Variants in WDR59 observed in about 807,000 individuals in gnomAD.
The protein encoded by WDR59 is WD repeat domain 59.
WDR59 carries 100 observed loss-of-function variants against 131.2 expected under a neutral mutation model. The observed-to-expected ratio is 0.76, with a 90% CI of 0.65 to 0.90. WDR59 has a LOEUF of 0.90. Ranked by LOEUF, WDR59 falls within the 40% of genes least tolerant of loss-of-function variation. The pLI, the probability that WDR59 is intolerant of heterozygous loss-of-function variation, is 0.00. For synonymous variants in WDR59, 601 were observed against 466.2 expected, an observed-to-expected ratio of 1.29 and a Z score of -3.72; for missense variants, 1,203 against 1,262.2, an observed-to-expected ratio of 0.95 and a Z score of 0.71.
At chr16:74,945,490 A>G (rs1012045186) in intron 6 of WDR59, among the ~76,000 whole-genome samples, 3 of 152,182 alleles carry the variant, frequency 2.0e-5, no homozygotes, top group Admixed American at 6.5e-5. Flanking sequence ...AATAAAAAAA[A>G]AAAAGAAACC....
intron 13 of WDR59, among the ~76,000 whole-genome samples, chr16:74,913,073 G>C (rs1454146451): frequency 6.6e-4 from 2 of 3,044 alleles, no homozygotes; most frequent in Non-Finnish European, 7.2e-3. Flanking sequence ...TAGATTTTGG[G>C]GGGGGGGGGG....
At chr16:74,879,646 G>C (rs8062012) in intron 25 of WDR59, among the ~76,000 whole-genome samples, 23,048 of 151,842 alleles carry the variant, frequency 0.15, 1,880 homozygotes, top group Middle Eastern at 0.21. Flanking sequence ...AGTTTAACAC[G>C]TTATATACAT....
At chr16:74,980,356 CT>C (rs35672894) in intron 1 of WDR59, among the ~76,000 whole-genome samples, 3,020 of 132,466 alleles carry the variant, frequency 0.023, 64 homozygotes, top group Admixed American at 0.083. Flanking sequence ...AAATCTAAGT[CT>C]TTTTTTTTTT....
At chr16:74,980,833 T>A (rs2145260200) in intron 1 of WDR59, among the ~76,000 whole-genome samples, 1 of 150,100 alleles carries the variant, frequency 6.7e-6, no homozygotes, top group East Asian at 2.0e-4. Flanking sequence ...TAGCCCGGTG[T>A]GGTGGGGCAC....
intron 10 of WDR59, among the ~76,000 whole-genome samples, chr16:74,921,240 C>G (rs1036989771): frequency 9.9e-5 from 15 of 151,874 alleles, no homozygotes; most frequent in Admixed American, 4.6e-4. Context: ...GATCCTCTCC[C>G]CCTCCCACCC....
At chr16:74,903,318 A>C (rs1392944722) in intron 18 of WDR59, among the ~76,000 whole-genome samples, 3 of 152,228 alleles carry the variant, frequency 2.0e-5, no homozygotes, top group African/African-American at 7.2e-5. Context: ...CAACACAGAA[A>C]GCTTTCTCTG....
At chr16:74,918,068 A>C in intron 10 of WDR59, 60 bp from the exon 11 acceptor site, 4 of 1,535,920 alleles carry the variant, frequency 2.6e-6, no homozygotes, top group Non-Finnish European at 3.6e-6. Context: ...TATTTGCTAG[A>C]GGTTGAAATG....
chr16:74,893,622 A>T (rs1436601039), intron 19 of WDR59, 57 bp downstream of exon 19: 48 of 1,500,616 alleles, frequency 3.2e-5, no homozygotes, highest in Non-Finnish European at 4.0e-5. Context: ...AAAAAAAAAA[A>T]GTTTTGCTAA....
intron 1 of WDR59, among the ~76,000 whole-genome samples, chr16:74,978,780 G>C (rs946757056): frequency 2.0e-5 from 3 of 151,768 alleles, no homozygotes; most frequent in African/African-American, 7.3e-5. Flanking sequence ...TGGCTATATG[G>C]AAGATAAAAT....
In WDR59 at chr16:74,942,597, A is replaced by C. The variant is rs188436719; in HGVS notation, c.534+141T>G. Reference sequence around the variant, plus strand: ...GATTGAGACGCAAATATCGTCTGGTACTATGAGCTTAAAATGGTCATTTAC... The same window carrying C: ...GATTGAGACGCAAATATCGTCTGGTCCTATGAGCTTAAAATGGTCATTTAC... On this transcript the variant is annotated intron_variant, in intron 7 of 25. Transcript: ENST00000262144. 76 of 721,780 alleles carry C rather than the reference A, an allele frequency of 1.1e-4. 1 individual carries two copies. In the African/African-American group the frequency reaches 1.3e-3, roughly 13 times the overall value. 44.7% of individuals were successfully genotyped at this position (721,780 alleles called of 1,614,324 possible).
At chr16:74,977,478 G>T (rs2034233952) in intron 1 of WDR59, among the ~76,000 whole-genome samples, 1 of 151,944 alleles carries the variant, frequency 6.6e-6, no homozygotes, top group Non-Finnish European at 1.5e-5. Flanking sequence ...CACGATGTCA[G>T]GAGATCGAGA....
At chr16:74,874,985 A>G (rs1275714480) in intron 25 of WDR59, among the ~76,000 whole-genome samples, 1 of 152,154 alleles carries the variant, frequency 6.6e-6, no homozygotes, top group Non-Finnish European at 1.5e-5. Flanking sequence ...TCCGCATGGA[A>G]ACCCAGTGCC....
intron 13 of WDR59, 176 bp downstream of exon 13, chr16:74,915,694 G>C: frequency 1.2e-6 from 1 of 812,516 alleles, no homozygotes; most frequent in Non-Finnish European, 1.9e-6. Context: ...AAAGTGCTGG[G>C]ATTACAGGCG....
At chr16:74,889,865 C>G (rs753605287) in intron 20 of WDR59, 50 bp from the exon 21 acceptor site, 1 of 1,450,302 alleles carries the variant, frequency 6.9e-7, no homozygotes, top group Non-Finnish European at 9.6e-7. Context: ...GGACAAGAAC[C>G]GAAACCATGA....
At chr16:74,966,441 C>T (rs903347440) in intron 1 of WDR59, among the ~76,000 whole-genome samples, 1 of 152,010 alleles carries the variant, frequency 6.6e-6, no homozygotes, top group Non-Finnish European at 1.5e-5. Context: ...GATTGAGCCA[C>T]TGCACTCCAG....
At chr16:74,974,300 C>A (rs1425306655) in intron 1 of WDR59, among the ~76,000 whole-genome samples, 3 of 152,174 alleles carry the variant, frequency 2.0e-5, no homozygotes, top group Non-Finnish European at 4.4e-5. Flanking sequence ...GGCTCACACT[C>A]CTCACCTGCA....
intron 8 of WDR59, among the ~76,000 whole-genome samples, chr16:74,927,904 C>CTTTT (rs199671092): frequency 2.9e-5 from 4 of 137,938 alleles, no homozygotes; most frequent in African/African-American, 1.1e-4. Context: ...TTTATTCTTT[C>CTTTT]TTTCTTTTTT....
chr16:74,926,348 G>A (rs946878404), intron 8 of WDR59, among the ~76,000 whole-genome samples: 8 of 152,184 alleles, frequency 5.3e-5, no homozygotes, highest in African/African-American at 1.4e-4. Flanking sequence ...ATGAGCCACC[G>A]CGCCCAGCTG....
intron 17 of WDR59, among the ~76,000 whole-genome samples, chr16:74,907,955 G>A (rs530843648): frequency 6.6e-6 from 1 of 152,294 alleles, no homozygotes; most frequent in East Asian, 1.9e-4. Flanking sequence ...CTGGATCTGG[G>A]CACGTTGGCT....
Sources: allele counts gnomAD v4.1 joint callset (sites outside exome capture counted in the v4.1 genomes callset), GRCh38; gene constraint gnomAD v4.1.1; transcripts MANE v1.5; gene names NCBI Gene and HGNC (gene_info 2026-07-23, HGNC 2026-07-21).